LINGO2: variants seen among roughly 807,000 people sequenced by gnomAD.
The protein encoded by LINGO2 is leucine rich repeat and Ig domain containing 2.
In LINGO2, 14 loss-of-function variants were observed where a neutral mutation model predicts 30.6. The ratio of observed to expected loss-of-function variants is 0.46; its 90% confidence interval spans 0.30 to 0.72. The LOEUF (loss-of-function observed/expected upper bound fraction) is 0.72, where lower values mean the gene tolerates loss of function less well. Ranked by LOEUF, LINGO2 falls within the 30% of genes least tolerant of loss-of-function variation. The pLI is 0.07. For synonymous variants in LINGO2, 317 were observed against 288.5 expected (o/e 1.10, Z -1.00); for missense variants, 729 against 751.7 (o/e 0.97, Z 0.35).
At chr9:28,401,181 T>TC (rs1195473265) in intron 2 of LINGO2, among the ~76,000 whole-genome samples, 1 of 152,146 alleles carries the variant, frequency 6.6e-6, no homozygotes. Flanking sequence ...CTTTATTTCT[T>TC]AAAAACCGAG....
chr9:28,966,446 AT>A, the LINGO2 span, among the ~76,000 whole-genome samples: 6 of 151,934 alleles, frequency 3.9e-5, no homozygotes, highest in Non-Finnish European at 8.8e-5. Context: ...GGCAGTGGAT[AT>A]TTTTTTTCCA....
chr9:29,068,309 G>T, the LINGO2 span, among the ~76,000 whole-genome samples: 1 of 98,082 alleles, frequency 1.0e-5, no homozygotes, highest in Admixed American at 9.6e-5. Flanking sequence ...TTAATTTTGA[G>T]ATAATTTTGA....
At chr9:28,524,719 C>T (rs1038175475) in intron 1 of LINGO2, among the ~76,000 whole-genome samples, 13 of 152,282 alleles carry the variant, frequency 8.5e-5, no homozygotes, top group African/African-American at 2.6e-4. Flanking sequence ...CGCCATTGCA[C>T]TTTAGCCTGG....
chr9:28,362,792 T>C (rs2134516644), intron 3 of LINGO2, among the ~76,000 whole-genome samples: 1 of 152,282 alleles, frequency 6.6e-6, no homozygotes, highest in Middle Eastern at 3.4e-3. Context: ...TGACTTTGAC[T>C]TGGACTCTAA....
At chr9:28,179,707 T>C (rs1828860135) in intron 4 of LINGO2, among the ~76,000 whole-genome samples, 1 of 141,514 alleles carries the variant, frequency 7.1e-6, no homozygotes, top group African/African-American at 2.6e-5. Flanking sequence ...ATATATATTC[T>C]CTATATATAG....
At chr9:29,068,272 C>T in the LINGO2 span, among the ~76,000 whole-genome samples, 1 of 151,630 alleles carries the variant, frequency 6.6e-6, no homozygotes, top group Non-Finnish European at 1.5e-5. Flanking sequence ...TATCAGTAGG[C>T]AAAGGATGCT....
chr9:28,913,106 TTTTC>T, the LINGO2 span, among the ~76,000 whole-genome samples: 2 of 152,126 alleles, frequency 1.3e-5, no homozygotes, highest in African/African-American at 4.8e-5. Context: ...ATAATTATCT[TTTTC>T]TTTCAGGTAC....
At chr9:28,359,509 C>A (rs1280230816) in intron 3 of LINGO2, among the ~76,000 whole-genome samples, 1 of 152,096 alleles carries the variant, frequency 6.6e-6, no homozygotes, top group African/African-American at 2.4e-5. Flanking sequence ...ACACATGAAA[C>A]AATTTGTTTT....
At chr9:28,327,428 A>C (rs1213173190) in intron 3 of LINGO2, among the ~76,000 whole-genome samples, 1 of 152,202 alleles carries the variant, frequency 6.6e-6, no homozygotes, top group East Asian at 1.9e-4. Flanking sequence ...CTGAGGAAGA[A>C]TGAATGGCTT....
At chr9:29,061,496 C>A in the LINGO2 span, among the ~76,000 whole-genome samples, 1 of 151,508 alleles carries the variant, frequency 6.6e-6, no homozygotes, top group Non-Finnish European at 1.5e-5. Flanking sequence ...ACATACAGAC[C>A]AATGAAATAG....
intron 4 of LINGO2, among the ~76,000 whole-genome samples, chr9:28,015,510 CTTCT>C (rs1170106814): frequency 1.3e-5 from 2 of 151,866 alleles, no homozygotes; most frequent in African/African-American, 4.8e-5. Context: ...AGTACTCTTC[CTTCT>C]ATGTTTAAAT....
intron 4 of LINGO2, among the ~76,000 whole-genome samples, chr9:28,079,086 G>T (rs981755400): frequency 3.4e-5 from 5 of 148,696 alleles, no homozygotes; most frequent in Non-Finnish European, 5.9e-5. Context: ...TAAGATTTAA[G>T]TGAAGATATA....
chr9:29,154,317 G>T, the LINGO2 span, among the ~76,000 whole-genome samples: 1 of 151,956 alleles, frequency 6.6e-6, no homozygotes, highest in Non-Finnish European at 1.5e-5. Flanking sequence ...GGGCGTGGTG[G>T]CGGGCGCCTG....
At chr9:28,556,854 C>T (rs1002307739) in intron 1 of LINGO2, among the ~76,000 whole-genome samples, 10 of 152,094 alleles carry the variant, frequency 6.6e-5, no homozygotes, top group African/African-American at 2.4e-4. Context: ...ATATCTACAA[C>T]TATCTGATCT....
chr9:28,117,251 G>A (rs978303212), intron 4 of LINGO2, among the ~76,000 whole-genome samples: 2 of 151,786 alleles, frequency 1.3e-5, no homozygotes, highest in Non-Finnish European at 2.9e-5. Context: ...ACCCACTTGA[G>A]GAGGCAGTCT....
chr9:28,166,933 C>T (rs1828444298), intron 4 of LINGO2, among the ~76,000 whole-genome samples: 1 of 152,152 alleles, frequency 6.6e-6, no homozygotes, highest in East Asian at 1.9e-4. Flanking sequence ...ATGCCACAGA[C>T]AGTCAATGAG....
chr9:28,373,516 C>T (rs892501686), intron 2 of LINGO2, among the ~76,000 whole-genome samples: 3 of 152,012 alleles, frequency 2.0e-5, no homozygotes, highest in South Asian at 2.1e-4. Context: ...CTGTATTTAC[C>T]CAAACGATGT....
rs1427294352 is a variant in LINGO2 at position 28,654,707 on chromosome 9, A to G, written c.-365+15493T>C. On this transcript the variant is annotated intron_variant, in intron 1 of 5. Coordinates refer to ENST00000379992, the Ensembl canonical transcript of LINGO2. ...GCAATCCTCTTCACGGCAGCAATGC[A>G]AAATAGTTACAAGTAAAATCACTAG... Among the ~76,000 whole-genome samples, 10 of 152,120 alleles carry G rather than the reference A, an allele frequency of 6.6e-5. 1 individual carries two copies. Among genetic ancestry groups the G allele is most frequent in the Non-Finnish European group, 1.3e-4 (9 of 68,008 alleles).
chr9:28,611,822 T>C (rs1258207030), intron 1 of LINGO2, among the ~76,000 whole-genome samples: 3 of 151,472 alleles, frequency 2.0e-5, no homozygotes, highest in African/African-American at 4.8e-5. Context: ...ATTTTATTTA[T>C]TTATTTATTT....
Sources: allele counts gnomAD v4.1 joint callset (sites outside exome capture counted in the v4.1 genomes callset), GRCh38; gene constraint gnomAD v4.1.1; transcripts MANE v1.5; gene names NCBI Gene and HGNC (gene_info 2026-07-23, HGNC 2026-07-21).